TBC1D4: variants seen among roughly 807,000 people sequenced by gnomAD.
The protein encoded by TBC1D4 is TBC (Tre-2, BUB2, CDC16) domain-containing protein.
In TBC1D4, 121 loss-of-function variants were observed where a neutral mutation model predicts 142.5. The observed-to-expected ratio is 0.85, with a 90% CI of 0.73 to 0.99. The LOEUF (loss-of-function observed/expected upper bound fraction) is 0.99. Among genes scored for constraint, TBC1D4 ranks in the 50% least tolerant of loss-of-function variants. The probability of loss-of-function intolerance (pLI) is 0.00; values close to 1 mark genes in which losing one functional copy is unlikely to be tolerated. For synonymous variants in TBC1D4, 630 were observed against 628.2 expected (o/e 1.00, Z -0.04); for missense variants, 1,475 against 1,606.6 (o/e 0.92, Z 1.40).
intron 9 of TBC1D4, 83 bp from the exon 10 acceptor site, chr13:75,326,506 G>A: frequency 7.1e-7 from 1 of 1,408,848 alleles, no homozygotes; most frequent in South Asian, 1.2e-5. Context: ...AAAAGTGACA[G>A]TGTGCCTCAT....
chr13:75,298,022 C>T lies in TBC1D4; in HGVS notation c.3156+1308G>A, dbSNP rs150335519. Among the ~76,000 whole-genome samples, 574 of 152,220 alleles carry T rather than the reference C, an allele frequency of 3.8e-3. 3 individuals are homozygous for T. The highest frequency in any genetic ancestry group is 0.013 in the African/African-American group (522 of 41,554). On this transcript the variant is annotated intron_variant, in intron 17 of 20. Coordinates refer to ENST00000377636, the MANE Select transcript of TBC1D4 (RefSeq NM_014832.5). ...TCTCAAAAAATATCATTTACTATAA[C>T]GCTCAGACTAAAAATACAATTCTTT...
At chr13:75,456,051 A>G (rs1887724187) in intron 1 of TBC1D4, among the ~76,000 whole-genome samples, 1 of 151,354 alleles carries the variant, frequency 6.6e-6, no homozygotes, top group African/African-American at 2.4e-5. Flanking sequence ...GGCTGGCCTC[A>G]CACTCTTGAG....
chr13:75,297,563 T>C (rs1305404576), intron 17 of TBC1D4, among the ~76,000 whole-genome samples: 4 of 152,068 alleles, frequency 2.6e-5, no homozygotes, highest in Non-Finnish European at 5.9e-5. Context: ...GAGACCAGCC[T>C]GCCCAACACA....
chr13:75,299,653 C>T, intron 16 of TBC1D4, 79 bp from the exon 17 acceptor site: 1 of 1,523,700 alleles, frequency 6.6e-7, no homozygotes, highest in Non-Finnish European at 9.0e-7. Context: ...AATTCAGTGA[C>T]CTCCAAGAAT....
intron 1 of TBC1D4, among the ~76,000 whole-genome samples, chr13:75,391,225 CT>C (rs1347214328): frequency 4.0e-5 from 6 of 150,518 alleles, no homozygotes; most frequent in South Asian, 2.1e-4. Context: ...CACACACACA[CT>C]ATTTTTATCT....
chr13:75,410,496 G>A (rs1352969908), intron 1 of TBC1D4, among the ~76,000 whole-genome samples: 1 of 152,138 alleles, frequency 6.6e-6, no homozygotes, highest in African/African-American at 2.4e-5. Context: ...AACTCCACAC[G>A]TGCTGTATTT....
intron 12 of TBC1D4, among the ~76,000 whole-genome samples, chr13:75,314,652 A>T (rs1485962591): frequency 6.6e-6 from 1 of 152,042 alleles, no homozygotes; most frequent in Non-Finnish European, 1.5e-5. Context: ...TAACCCTAAT[A>T]TGTGTCCATT....
Position 75,310,050 on chromosome 13 carries a change from T to C in TBC1D4, c.2485A>G (p.Lys829Glu), listed in dbSNP as rs1172123712. 1.2e-6 allele frequency: 2 copies of C among 1,614,156 alleles called. No individual in the cohort carries two copies. The highest frequency in any genetic ancestry group is 2.2e-5 in the East Asian group (1 of 44,880). ...VFLSGEDDPE[K>E]IEERKKSKEL... Reference sequence around the variant, plus strand: ...TTTGATTTCTTTCTTTCTTCAATCTTTTCTGGGTCATCCTCCCCAGACAGG... The same window carrying C: ...TTTGATTTCTTTCTTTCTTCAATCTCTTCTGGGTCATCCTCCCCAGACAGG... Residue 829 changes from lysine (K) to glutamate (E), a missense_variant, in exon 14 of 21, where the codon AAG becomes GAG. Lys to Glu is a moderately conservative substitution (Grantham distance 56). This residue lies in a region of TBC1D4 where 1,227 missense variants were observed against 1,267.7 expected (regional missense o/e 0.97). Transcript: ENST00000377636.
intron 1 of TBC1D4, among the ~76,000 whole-genome samples, chr13:75,467,013 C>T (rs1888197907): frequency 6.6e-6 from 1 of 151,834 alleles, no homozygotes; most frequent in Non-Finnish European, 1.5e-5. Context: ...AAAATCATAG[C>T]GAACAAGATT....
chr13:75,481,680 T>C lies in TBC1D4; in HGVS notation c.88A>G (p.Lys30Glu), dbSNP rs1273132457. 6.2e-7 allele frequency: 1 copy of C among 1,600,680 alleles called. No homozygotes were observed. Among genetic ancestry groups the C allele is most frequent in the Non-Finnish European group, 8.5e-7 (1 of 1,174,456 alleles). The change falls in exon 1 of 21, where the codon AAG becomes GAG. Residue 30 changes from lysine (K) to glutamate (E), a missense_variant. Transcript: ENST00000377636. ...AGCCGGAACCGCTTATCGCTTGGCT[T>C]CCCGGGGCCGGGCTGAGCTGAGACG... Reference protein sequence around the residue: ...PGVSAQPGPGKPSDKRFRLWY... With the variant: ...PGVSAQPGPGEPSDKRFRLWY...
intron 1 of TBC1D4, among the ~76,000 whole-genome samples, chr13:75,380,329 C>T (rs1044846378): frequency 3.3e-5 from 5 of 151,852 alleles, no homozygotes; most frequent in South Asian, 2.1e-4. Context: ...AAAAATTAGC[C>T]GGACATGGTG....
In TBC1D4 at chr13:75,283,679, C is replaced by G. The variant is rs1473235090; in HGVS notation, c.*3113G>C. ...TCTCCCTTGCTATCTATGAGGGGGC[C>G]TGGAAAATAAAAGGGTAGAATGCAA... On this transcript the variant is annotated 3_prime_UTR_variant, in exon 21 of 21. Transcript: ENST00000377636. Among the ~76,000 whole-genome samples, 1 of 151,960 alleles carries G rather than the reference C, an allele frequency of 6.6e-6. No individual in the cohort carries two copies.
At chr13:75,373,672 G>A (rs528198323) in intron 1 of TBC1D4, among the ~76,000 whole-genome samples, 2 of 152,254 alleles carry the variant, frequency 1.3e-5, no homozygotes, top group Admixed American at 1.3e-4. Flanking sequence ...TGCTCCTGGG[G>A]AATGAAAAAT....
chr13:75,452,233 T>C (rs931769947), intron 1 of TBC1D4, among the ~76,000 whole-genome samples: 1 of 152,218 alleles, frequency 6.6e-6, no homozygotes, highest in African/African-American at 2.4e-5. Flanking sequence ...TGTTACTGTC[T>C]GCCTAGAAAT....
chr13:75,339,556 C>T (rs1566397803), intron 7 of TBC1D4, among the ~76,000 whole-genome samples: 1 of 151,884 alleles, frequency 6.6e-6, no homozygotes, highest in Non-Finnish European at 1.5e-5. Context: ...TAAGTTTGGG[C>T]ACACTACTAC....
intron 8 of TBC1D4, among the ~76,000 whole-genome samples, chr13:75,328,359 G>A (rs1451345350): frequency 1.3e-5 from 2 of 152,098 alleles, no homozygotes; most frequent in South Asian, 2.1e-4. Flanking sequence ...ATTTAATTCT[G>A]GAAGACTAGA....
intron 1 of TBC1D4, among the ~76,000 whole-genome samples, chr13:75,396,796 T>G (rs1884816217): frequency 6.6e-6 from 1 of 152,092 alleles, no homozygotes; most frequent in African/African-American, 2.4e-5. Flanking sequence ...GGAACAACAT[T>G]CTGAGCACTT....
At chr13:75,476,967 C>T (rs544597263) in intron 1 of TBC1D4, among the ~76,000 whole-genome samples, 1 of 152,304 alleles carries the variant, frequency 6.6e-6, no homozygotes, top group South Asian at 2.1e-4. Flanking sequence ...CAGCTTAGGG[C>T]TCCTATCATA....
chr13:75,289,298 A>G (rs1281542118), intron 19 of TBC1D4, among the ~76,000 whole-genome samples, 188 bp from the exon 20 acceptor site: 1 of 152,216 alleles, frequency 6.6e-6, no homozygotes, highest in African/African-American at 2.4e-5. Flanking sequence ...CACTGTCAAC[A>G]TAAAAACAGA....
Sources: allele counts gnomAD v4.1 joint callset (sites outside exome capture counted in the v4.1 genomes callset), GRCh38; gene constraint gnomAD v4.1.1; regional missense constraint gnomAD v4.1.1; transcripts MANE v1.5; gene names NCBI Gene and HGNC (gene_info 2026-07-23, HGNC 2026-07-21).